TRMT9B: variants seen among roughly 807,000 people sequenced by gnomAD.
TRMT9B encodes probable tRNA methyltransferase 9B.
Under a neutral mutation model 11.5 loss-of-function variants are expected in TRMT9B, and 16 were observed. The observed-to-expected ratio is 1.39, with a 90% confidence interval of 0.94 to 2.11. The LOEUF (loss-of-function observed/expected upper bound fraction) is 2.11. TRMT9B is among the 30% of genes most tolerant of loss of function. The probability of loss-of-function intolerance (pLI) is 0.00; values close to 1 mark genes in which losing one functional copy is unlikely to be tolerated. For synonymous variants in TRMT9B, 274 were observed against 192.4 expected (o/e 1.42, Z -3.51); for missense variants, 941 against 553.8 (o/e 1.70, Z -7.02).
At chr8:12,971,658 C>T (rs545816272) in intron 1 of TRMT9B, among the ~76,000 whole-genome samples, 1 of 152,140 alleles carries the variant, frequency 6.6e-6, no homozygotes, top group South Asian at 2.1e-4. Flanking sequence ...CAAAAATTAG[C>T]AAACAAGAAA....
In TRMT9B at chr8:12,953,971, A is replaced by T. The variant is rs145551087; in HGVS notation, c.-200+8005A>T. On this transcript the variant is annotated intron_variant, in intron 1 of 4. Transcript: ENST00000524591. ...CCAAAGAAATTTTGTTTCTAGAAAG[A>T]TTCAATTACCGTAATGATGTTCTTT... is the stretch of plus-strand genomic sequence containing the variant. 6.6e-5 allele frequency among the ~76,000 whole-genome samples: 10 copies of T among 152,326 alleles called. No homozygotes were observed. The East Asian group carries it at 1.9e-3, about 29-fold the overall frequency.
rs139379388 is a variant in TRMT9B at position 12,998,145 on chromosome 8, A to G, written c.-2+7114A>G. Among the ~76,000 whole-genome samples, 150 of 152,288 alleles carry G rather than the reference A, an allele frequency of 9.8e-4. 2 individuals carry two copies. Among genetic ancestry groups the G allele is most frequent in the African/African-American group, 3.4e-3 (140 of 41,574 alleles). On this transcript the variant is annotated intron_variant, in intron 2 of 4. Transcript: ENST00000524591. ...TTGTTTATATTCTGGATACTACTCAATTGTCATCTGTATGTACTACGAATA... is the reference window on the plus strand; with the variant it reads ...TTGTTTATATTCTGGATACTACTCAGTTGTCATCTGTATGTACTACGAATA...
intron 1 of TRMT9B, chr8:12,952,333 G>T (rs927291559): frequency 1.2e-4 from 38 of 329,528 alleles, no homozygotes; most frequent in Admixed American, 4.7e-4. Flanking sequence ...GTGCCCCGGA[G>T]CCCGCGCCCG....
At chr8:13,008,359 G>A (rs1426824940) in intron 3 of TRMT9B, among the ~76,000 whole-genome samples, 1 of 152,224 alleles carries the variant, frequency 6.6e-6, no homozygotes, top group Non-Finnish European at 1.5e-5. Context: ...TACAAATGGA[G>A]AAATTGTGGC....
chr8:12,977,813 G>A (rs1052485926), intron 1 of TRMT9B, among the ~76,000 whole-genome samples: 5 of 151,356 alleles, frequency 3.3e-5, no homozygotes, highest in African/African-American at 4.9e-5. Context: ...CCAGGAGTTC[G>A]AGACCAGCCT....
At chr8:12,977,801 G>T (rs1164344452) in intron 1 of TRMT9B, among the ~76,000 whole-genome samples, 1 of 152,014 alleles carries the variant, frequency 6.6e-6, no homozygotes, top group Admixed American at 6.5e-5. Flanking sequence ...GATGGCTTGA[G>T]GCCAGGAGTT....
chr8:12,952,705 G>C (rs984122628), intron 1 of TRMT9B: 1 of 982,812 alleles, frequency 1.0e-6, no homozygotes, highest in Non-Finnish European at 1.2e-6. Context: ...AAATAGGAAG[G>C]TAAGGATTTG....
chr8:13,008,072 G>T (rs1276029737), intron 3 of TRMT9B, among the ~76,000 whole-genome samples: 5 of 152,190 alleles, frequency 3.3e-5, no homozygotes, highest in Non-Finnish European at 7.4e-5. Flanking sequence ...TTAGGCTCCT[G>T]TAAGCTTCAG....
At position 12,990,855 on chromosome 8, in the gene TRMT9B, C is replaced by A; in HGVS notation, c.-178C>A. ...ATAGGGCCTGTGCTTCCTTCAGAGACTCACACAAGAGGTTTATCATGAGAA... is the reference window on the plus strand; with the variant it reads ...ATAGGGCCTGTGCTTCCTTCAGAGAATCACACAAGAGGTTTATCATGAGAA... On this transcript the variant is annotated 5_prime_UTR_variant, in exon 2 of 5. Coordinates refer to ENST00000524591, the MANE Select transcript of TRMT9B (RefSeq NM_020844.3). 3 of 1,289,356 alleles carry A rather than the reference C, an allele frequency of 2.3e-6. No homozygotes were observed. The highest frequency in any genetic ancestry group is 3.0e-6 in the Non-Finnish European group (3 of 988,396). 79.9% of individuals were successfully genotyped at this position (1,289,356 alleles called of 1,614,324 possible). A position where few individuals can be genotyped will look rare whatever the true frequency, so the allele number is the denominator to read the frequency against.
intron 3 of TRMT9B, chr8:13,011,223 T>C: frequency 1.3e-6 from 1 of 784,002 alleles, no homozygotes; most frequent in Non-Finnish European, 1.5e-6. Context: ...TGCCCTCAAG[T>C]GATCCGCCCA....
At chr8:12,988,970 G>C (rs1441357307) in intron 1 of TRMT9B, among the ~76,000 whole-genome samples, 1 of 152,160 alleles carries the variant, frequency 6.6e-6, no homozygotes, top group Non-Finnish European at 1.5e-5. Flanking sequence ...CTGGGGTCCT[G>C]AATGGGGTGA....
chr8:12,986,917 T>C (rs563481691), intron 1 of TRMT9B, among the ~76,000 whole-genome samples: 1 of 152,264 alleles, frequency 6.6e-6, no homozygotes, highest in African/African-American at 2.4e-5. Flanking sequence ...ATCCATGAAG[T>C]GCCAGTCTAC....
In TRMT9B at chr8:13,027,666, T is replaced by C. The variant is rs1814851284; in HGVS notation, c.*5622T>C. ...ATTCCCACATTCCCTAGATATATACTTGGATTTCAAATGCCATAATTGTAA... is the reference window on the plus strand; with the variant it reads ...ATTCCCACATTCCCTAGATATATACCTGGATTTCAAATGCCATAATTGTAA... On this transcript the variant is annotated 3_prime_UTR_variant, in exon 5 of 5. Coordinates refer to ENST00000524591, the MANE Select transcript of TRMT9B (RefSeq NM_020844.3). The C allele has an allele frequency of 6.0e-6, 1 of 167,068 alleles. No homozygotes were observed. Among genetic ancestry groups the C allele is most frequent in the African/African-American group, 2.4e-5 (1 of 41,448 alleles). 10.3% of individuals were successfully genotyped at this position (167,068 alleles called of 1,614,324 possible).
In TRMT9B at chr8:13,024,858, G is replaced by A. The variant is rs1312411036; in HGVS notation, c.*2814G>A. The A allele has an allele frequency of 1.8e-5, 3 of 166,722 alleles. No homozygotes were observed. The highest frequency in any genetic ancestry group is 4.8e-5 in the African/African-American group (2 of 41,352). 10.3% of individuals were successfully genotyped at this position (166,722 alleles called of 1,614,324 possible). On this transcript the variant is annotated 3_prime_UTR_variant, in exon 5 of 5. Coordinates refer to ENST00000524591, the MANE Select transcript of TRMT9B (RefSeq NM_020844.3). ...TTTGGTGATTGATAATCTCTCTTTG[G>A]GGTAGTCACATGGAAAGCTCTTTTA...
At chr8:12,981,520 A>G (rs1805385665) in intron 1 of TRMT9B, among the ~76,000 whole-genome samples, 3 of 152,136 alleles carry the variant, frequency 2.0e-5, no homozygotes, top group Admixed American at 2.0e-4. Context: ...GGAGACCATT[A>G]TATTATCTGT....
intron 3 of TRMT9B, chr8:13,010,505 A>G: frequency 3.0e-6 from 3 of 983,984 alleles, no homozygotes; most frequent in South Asian, 4.7e-5. Context: ...AAAAATATTT[A>G]AAATTCTTTT....
At chr8:13,016,341 T>A (rs4431600) in intron 4 of TRMT9B, among the ~76,000 whole-genome samples, 59,881 of 143,624 alleles carry the variant, frequency 0.42, 12,924 homozygotes, top group East Asian at 0.61. Flanking sequence ...GAAATTTCTC[T>A]TATATGACAT....
At chr8:13,001,052 C>T (rs988250843) in intron 2 of TRMT9B, among the ~76,000 whole-genome samples, 31 of 151,744 alleles carry the variant, frequency 2.0e-4, no homozygotes, top group African/African-American at 4.1e-4. Context: ...TTCTGCCTTT[C>T]CCCCCACCAT....
In TRMT9B at chr8:13,016,833, C is replaced by T. The variant is rs760472327; in HGVS notation, c.328+3976C>T. 7.4e-5 allele frequency among the ~76,000 whole-genome samples: 11 copies of T among 148,698 alleles called. 1 individual carries two copies. The highest frequency in any genetic ancestry group is 1.4e-4 in the Admixed American group (2 of 14,516). ...ACAACTGGATATGTTTATGTATGTA[C>T]GTGTAATATCATCTAGTATGTGGGC... is the stretch of plus-strand genomic sequence containing the variant. On this transcript the variant is annotated intron_variant, in intron 4 of 4. Transcript: ENST00000524591.
Sources: allele counts gnomAD v4.1 joint callset (sites outside exome capture counted in the v4.1 genomes callset), GRCh38; gene constraint gnomAD v4.1.1; transcripts MANE v1.5; gene names NCBI Gene and HGNC (gene_info 2026-07-23, HGNC 2026-07-21).